Variants in TTC28 observed in about 807,000 individuals in gnomAD.
TTC28 encodes tetratricopeptide repeat domain 28.
TTC28 carries 61 observed loss-of-function variants against 198.0 expected under a neutral mutation model. The ratio of observed to expected loss-of-function variants is 0.31; its 90% confidence interval spans 0.25 to 0.38. The LOEUF (loss-of-function observed/expected upper bound fraction) is 0.38, where lower values mean the gene tolerates loss of function less well. TTC28 is among the 10% of genes least tolerant of loss of function. The pLI is 1.00. For synonymous variants in TTC28, 1,171 were observed against 1,297.8 expected (o/e 0.90, Z 2.10); for missense variants, 2,678 against 3,164.0 (o/e 0.85, Z 3.69).
intron 6 of TTC28, among the ~76,000 whole-genome samples, chr22:28,126,957 C>G (rs1942930928): frequency 1.3e-5 from 2 of 152,198 alleles, no homozygotes; most frequent in African/African-American, 4.8e-5. Context: ...GCCTCGAACT[C>G]CTGGGGTCAA....
At chr22:28,582,298 G>A (rs771627883) in intron 2 of TTC28, among the ~76,000 whole-genome samples, 3 of 151,898 alleles carry the variant, frequency 2.0e-5, no homozygotes, top group Non-Finnish European at 2.9e-5. Flanking sequence ...ACATAGTAGA[G>A]CTTAAACAGA....
intron 19 of TTC28, 132 bp downstream of exon 19, chr22:27,992,455 A>C (rs1937450786): frequency 2.1e-6 from 2 of 940,752 alleles, no homozygotes. Flanking sequence ...CCCGGCCCTC[A>C]CCTTCTCCTT....
chr22:28,564,850 T>A (rs902479847), intron 2 of TTC28, among the ~76,000 whole-genome samples: 2 of 147,582 alleles, frequency 1.4e-5, no homozygotes, highest in Non-Finnish European at 3.0e-5. Flanking sequence ...TTTATATATT[T>A]TATATATATT....
At position 28,382,978 on chromosome 22, in the gene TTC28, C is replaced by T. The variant is rs919805676; in HGVS notation, c.382-76335G>A. ...CCTCTAGTATTGTTAAAAATGATGACCAATTCTCAATCTCATCTTACTTGA... is the reference window on the plus strand; with the variant it reads ...CCTCTAGTATTGTTAAAAATGATGATCAATTCTCAATCTCATCTTACTTGA... On this transcript the variant is annotated intron_variant, in intron 2 of 22. Transcript: ENST00000397906. Among the ~76,000 whole-genome samples, 39 of 152,172 alleles carry T rather than the reference C, an allele frequency of 2.6e-4. 1 individual carries two copies. Among genetic ancestry groups the T allele is most frequent in the Admixed American group, 2.2e-3 (34 of 15,282 alleles).
At chr22:28,289,299 A>G (rs934165682) in intron 5 of TTC28, among the ~76,000 whole-genome samples, 3 of 152,332 alleles carry the variant, frequency 2.0e-5, no homozygotes, top group African/African-American at 7.2e-5. Flanking sequence ...CAGACTGATA[A>G]AAAATACTTT....
intron 6 of TTC28, among the ~76,000 whole-genome samples, chr22:28,138,478 T>A (rs771131157): frequency 6.6e-6 from 1 of 152,250 alleles, no homozygotes. Flanking sequence ...AAGTGTAATA[T>A]TCCTTATCTT....
chr22:28,565,029 A>T (rs902764835), intron 2 of TTC28, among the ~76,000 whole-genome samples: 1 of 151,868 alleles, frequency 6.6e-6, no homozygotes, highest in Non-Finnish European at 1.5e-5. Flanking sequence ...AGCCATCATC[A>T]GATTCTCAAA....
chr22:28,434,281 G>A (rs906491196), intron 2 of TTC28, among the ~76,000 whole-genome samples: 5 of 152,176 alleles, frequency 3.3e-5, no homozygotes, highest in African/African-American at 1.2e-4. Flanking sequence ...AATAATTCAT[G>A]CTTGTGATAA....
chr22:28,333,276 G>C (rs572743513), intron 2 of TTC28, among the ~76,000 whole-genome samples: 2 of 151,994 alleles, frequency 1.3e-5, no homozygotes, highest in Non-Finnish European at 2.9e-5. Flanking sequence ...CAAAAAGGGA[G>C]GTTAAGAAAC....
intron 6 of TTC28, among the ~76,000 whole-genome samples, chr22:28,159,721 C>T (rs1293908411): frequency 6.6e-6 from 1 of 151,400 alleles, no homozygotes; most frequent in Non-Finnish European, 1.5e-5. Context: ...TGGATATATA[C>T]CCACAAGAAA....
At chr22:28,327,971 A>C (rs1411201319) in intron 2 of TTC28, among the ~76,000 whole-genome samples, 2 of 152,236 alleles carry the variant, frequency 1.3e-5, no homozygotes, top group Non-Finnish European at 2.9e-5. Flanking sequence ...TGAAAATTCA[A>C]GAGAGAAAAG....
intron 12 of TTC28, among the ~76,000 whole-genome samples, chr22:28,037,572 C>G (rs1178385484): frequency 3.9e-5 from 6 of 152,036 alleles, no homozygotes; most frequent in East Asian, 3.9e-4. Flanking sequence ...TACTGAATGG[C>G]CAAAAACTGG....
At chr22:28,294,747 T>G (rs1281649993) in intron 5 of TTC28, among the ~76,000 whole-genome samples, 1 of 152,110 alleles carries the variant, frequency 6.6e-6, no homozygotes, top group Non-Finnish European at 1.5e-5. Flanking sequence ...TTTTGTATTT[T>G]AAGTAGAGAC....
At chr22:28,588,349 C>T (rs866262316) in intron 2 of TTC28, among the ~76,000 whole-genome samples, 46 of 152,140 alleles carry the variant, frequency 3.0e-4, no homozygotes, top group African/African-American at 1.1e-3. Context: ...CACAACACTT[C>T]GGATGTGGAA....
At chr22:28,430,110 G>A (rs1160807821) in intron 2 of TTC28, among the ~76,000 whole-genome samples, 1 of 149,288 alleles carries the variant, frequency 6.7e-6, no homozygotes, top group African/African-American at 2.5e-5. Context: ...GAATTAAGGG[G>A]TAATTTCAGA....
At chr22:28,087,696 C>G (rs1941661575) in intron 12 of TTC28, among the ~76,000 whole-genome samples, 1 of 152,092 alleles carries the variant, frequency 6.6e-6, no homozygotes, top group Non-Finnish European at 1.5e-5. Context: ...AAATGGTATT[C>G]AATTAGGAAA....
intron 20 of TTC28, among the ~76,000 whole-genome samples, chr22:27,990,306 G>A (rs894746639): frequency 6.6e-6 from 1 of 152,150 alleles, no homozygotes; most frequent in African/African-American, 2.4e-5. Flanking sequence ...GAGAGGCCAT[G>A]GAGAGTAGAA....
chr22:28,018,075 C>T (rs1319974811), intron 13 of TTC28, among the ~76,000 whole-genome samples: 1 of 152,190 alleles, frequency 6.6e-6, no homozygotes, highest in African/African-American at 2.4e-5. Flanking sequence ...CACCCTGGCC[C>T]TTCTTGCAAC....
At chr22:28,455,251 G>A (rs1342469645) in intron 2 of TTC28, among the ~76,000 whole-genome samples, 3 of 152,190 alleles carry the variant, frequency 2.0e-5, no homozygotes, top group African/African-American at 7.2e-5. Context: ...ATCATAAATG[G>A]CAAAAATCAC....
Sources: allele counts gnomAD v4.1 joint callset (sites outside exome capture counted in the v4.1 genomes callset), GRCh38; gene constraint gnomAD v4.1.1; transcripts MANE v1.5; gene names NCBI Gene and HGNC (gene_info 2026-07-23, HGNC 2026-07-21).